Variants in PTCHD4 observed in about 807,000 individuals in gnomAD.
PTCHD4 encodes patched domain containing 4.
In PTCHD4, 33 loss-of-function variants were observed where a neutral mutation model predicts 58.1. The ratio of observed to expected loss-of-function variants is 0.57; its 90% CI spans 0.43 to 0.76. The LOEUF is 0.76. PTCHD4 is among the 30% of genes least tolerant of loss of function. The pLI, the probability that PTCHD4 is intolerant of heterozygous loss-of-function variation, is 0.00. For synonymous variants in PTCHD4, 478 were observed against 409.6 expected (o/e 1.17, Z -2.02); for missense variants, 1,058 against 1,027.1 (o/e 1.03, Z -0.41).
intron 4 of PTCHD4, among the ~76,000 whole-genome samples, chr6:47,910,090 G>A (rs1328991): frequency 0.56 from 84,381 of 152,030 alleles, 25,107 homozygotes; most frequent in East Asian, 0.78. Flanking sequence ...CACTATTGCC[G>A]TTGCTCTTCA....
intron 3 of PTCHD4, among the ~76,000 whole-genome samples, chr6:48,047,787 C>T (rs922765923): frequency 6.6e-6 from 1 of 151,774 alleles, no homozygotes; most frequent in Non-Finnish European, 1.5e-5. Flanking sequence ...GCACCAGGGG[C>T]TGGGGCCCAC....
rs1024349095 is a variant in PTCHD4, at chr6:47,923,046, T to A, written c.899-43110A>T. On this transcript the variant is annotated intron_variant, in intron 4 of 4. Coordinates refer to ENST00000339488, the MANE Select transcript of PTCHD4 (RefSeq NM_001384253.1). ...AGTTTTCAGTTTCCTCTTGTGCTGA[T>A]GTCTTACTGACTAGTGCTGGACAGG... 2.0e-5 allele frequency among the ~76,000 whole-genome samples: 3 copies of A among 152,228 alleles called. No homozygotes were observed. In the East Asian group the frequency reaches 5.8e-4, roughly 29 times the overall value.
chr6:47,907,480 T>C (rs935185010), intron 4 of PTCHD4, among the ~76,000 whole-genome samples: 2 of 152,160 alleles, frequency 1.3e-5, no homozygotes, highest in East Asian at 3.9e-4. Flanking sequence ...AGAGAATAGA[T>C]AGACTGACTA....
At chr6:47,972,063 T>G (rs1767533423) in intron 4 of PTCHD4, among the ~76,000 whole-genome samples, 1 of 152,148 alleles carries the variant, frequency 6.6e-6, no homozygotes, top group Non-Finnish European at 1.5e-5. Context: ...ATAGTCATAT[T>G]AATGTGAGCA....
rs560190894 is a variant in PTCHD4, at chr6:48,089,487, T to C, written c.-969-19561A>G. ...GTTAATGCATTTAGTCATATAGTCA[T>C]TGTAAAGACAACTAATAACCATATT... On this transcript the variant is annotated intron_variant, in intron 1 of 4. Transcript: ENST00000339488. Among the ~76,000 whole-genome samples, 9 of 152,330 alleles carry C rather than the reference T, an allele frequency of 5.9e-5. No individual in the cohort carries two copies. The South Asian group carries it at 1.5e-3, about 25-fold the overall frequency.
chr6:47,961,157 G>T (rs1228305649), intron 4 of PTCHD4, among the ~76,000 whole-genome samples: 1 of 151,860 alleles, frequency 6.6e-6, no homozygotes, highest in Non-Finnish European at 1.5e-5. Context: ...TCTAAAATAT[G>T]ATTAGATTAG....
chr6:47,992,829 A>G (rs1581985951), intron 4 of PTCHD4, among the ~76,000 whole-genome samples: 2 of 152,188 alleles, frequency 1.3e-5, no homozygotes, highest in East Asian at 1.9e-4. Flanking sequence ...ACGCCCAATT[A>G]CTACCCAGAA....
At chr6:47,890,844 C>T (rs1764355417) in intron 4 of PTCHD4, 2 of 964,454 alleles carry the variant, frequency 2.1e-6, no homozygotes, top group Admixed American at 1.2e-4. Context: ...CTCTCTTTCC[C>T]TGCTAAATAG....
Position 47,877,524 on chromosome 6 carries a change from AG to A in PTCHD4, c.*778del, listed in dbSNP as rs556956616. ...TTCTTGTGAAGTCATCCAAAGCAAAAGTCTAGATGACTGCTGACATGATATG... is the reference window on the plus strand; with the variant it reads ...TTCTTGTGAAGTCATCCAAAGCAAAATCTAGATGACTGCTGACATGATATG... On this transcript the variant is annotated 3_prime_UTR_variant, in exon 5 of 5. Transcript: ENST00000339488. Among the ~76,000 whole-genome samples, 71 of 152,190 alleles carry A rather than the reference AG, an allele frequency of 4.7e-4. 1 individual carries two copies. In the South Asian group the frequency reaches 6.0e-3, roughly 13 times the overall value.
rs1433407509 is a variant in PTCHD4 at position 47,875,864 on chromosome 6, G to A, written c.*2439C>T. Among the ~76,000 whole-genome samples, 1 of 151,616 alleles carries A rather than the reference G, an allele frequency of 6.6e-6. No homozygotes were observed. Among genetic ancestry groups the A allele is most frequent in the African/African-American group, 2.4e-5 (1 of 41,330 alleles). On this transcript the variant is annotated 3_prime_UTR_variant, in exon 5 of 5. Transcript: ENST00000339488. ...ATGCAGAATGGTCTATAGGAACCAA[G>A]AAAAAACCAACCCCAATAGCCAATC...
chr6:47,885,628 A>C (rs545852146), intron 4 of PTCHD4, among the ~76,000 whole-genome samples: 1 of 152,204 alleles, frequency 6.6e-6, no homozygotes, highest in Non-Finnish European at 1.5e-5. Context: ...AGCTTCTAGT[A>C]ATCATTCTCC....
chr6:48,089,470 A>G (rs536116966), intron 1 of PTCHD4, among the ~76,000 whole-genome samples: 1 of 152,360 alleles, frequency 6.6e-6, no homozygotes, highest in East Asian at 1.9e-4. Flanking sequence ...ATGTTAATGC[A>G]TTTAGTCATA....
At chr6:48,021,057 T>C (rs1191188800) in intron 3 of PTCHD4, among the ~76,000 whole-genome samples, 1 of 152,162 alleles carries the variant, frequency 6.6e-6, no homozygotes, top group East Asian at 1.9e-4. Flanking sequence ...TTGTTTTTAA[T>C]ATAGGATTAT....
chr6:48,100,814 A>G (rs1013268448), intron 1 of PTCHD4, among the ~76,000 whole-genome samples: 1 of 152,170 alleles, frequency 6.6e-6, no homozygotes, highest in Non-Finnish European at 1.5e-5. Context: ...TATTATTTTG[A>G]GTCGTGCATC....
At chr6:47,924,079 G>A (rs548060473) in intron 4 of PTCHD4, among the ~76,000 whole-genome samples, 2 of 152,098 alleles carry the variant, frequency 1.3e-5, no homozygotes, top group South Asian at 2.1e-4. Context: ...GCACCTTGCC[G>A]GCTACATCCT....
chr6:48,041,332 A>G (rs554808722), intron 3 of PTCHD4, among the ~76,000 whole-genome samples: 1 of 152,042 alleles, frequency 6.6e-6, no homozygotes, highest in Non-Finnish European at 1.5e-5. Flanking sequence ...CCTATCAAAT[A>G]ACCCAACTTC....
chr6:48,095,179 A>G (rs549575118), intron 1 of PTCHD4, among the ~76,000 whole-genome samples: 2 of 152,346 alleles, frequency 1.3e-5, no homozygotes, highest in East Asian at 1.9e-4. Flanking sequence ...CTTACTGCCA[A>G]TTATAAAGTA....
chr6:47,920,901 A>G (rs1477358511), intron 4 of PTCHD4, among the ~76,000 whole-genome samples: 1 of 152,184 alleles, frequency 6.6e-6, no homozygotes, highest in Non-Finnish European at 1.5e-5. Flanking sequence ...GATTCTGCCT[A>G]TTATTGCTGA....
At chr6:47,897,298 T>A (rs1764554742) in intron 4 of PTCHD4, among the ~76,000 whole-genome samples, 1 of 152,230 alleles carries the variant, frequency 6.6e-6, no homozygotes, top group African/African-American at 2.4e-5. Flanking sequence ...GCTATTCCTC[T>A]AAAACAGTAA....
Sources: allele counts gnomAD v4.1 joint callset (sites outside exome capture counted in the v4.1 genomes callset), GRCh38; gene constraint gnomAD v4.1.1; transcripts MANE v1.5; gene names NCBI Gene and HGNC (gene_info 2026-07-23, HGNC 2026-07-21).